GLRA1: variants seen among roughly 807,000 people sequenced by gnomAD.
GLRA1 encodes glycine receptor alpha 1, also known as glycine receptor subunit alpha-1.
Under a neutral mutation model 48.3 loss-of-function variants are expected in GLRA1, and 37 were observed. That is an observed-to-expected ratio of 0.77 (90% confidence interval 0.59 to 1.01). GLRA1 has a LOEUF of 1.01. GLRA1 is among the 50% of genes least tolerant of loss of function. The pLI, the probability that GLRA1 is intolerant of heterozygous loss-of-function variation, is 0.00. For synonymous variants in GLRA1, 196 were observed against 210.7 expected (o/e 0.93, Z 0.60); for missense variants, 427 against 571.0 (o/e 0.75, Z 2.57).
At chr5:151,865,859 T>C (rs934813571) in intron 3 of GLRA1, among the ~76,000 whole-genome samples, 6 of 152,190 alleles carry the variant, frequency 3.9e-5, no homozygotes, top group Non-Finnish European at 8.8e-5. Flanking sequence ...CCCAAACAAG[T>C]TGCTGCCATT....
intron 7 of GLRA1, among the ~76,000 whole-genome samples, chr5:151,845,264 A>T (rs886931965): frequency 6.6e-6 from 1 of 152,220 alleles, no homozygotes; most frequent in Non-Finnish European, 1.5e-5. Context: ...TTGGAAGGGA[A>T]AAGAATCTAA....
In GLRA1 at chr5:151,851,371, C is replaced by G. The variant is rs971545766; in HGVS notation, c.912+19G>C. 1 of 1,562,324 alleles carries G rather than the reference C, an allele frequency of 6.4e-7. No homozygotes were observed. The highest frequency in any genetic ancestry group is 8.8e-7 in the Non-Finnish European group (1 of 1,133,914). ...CTTATTTGTCCAGGTGTTCTGTGCTCTTGGGCAATGGGACTTACCTTGGGC... is the reference window on the plus strand; with the variant it reads ...CTTATTTGTCCAGGTGTTCTGTGCTGTTGGGCAATGGGACTTACCTTGGGC... On this transcript the variant is annotated intron_variant, in intron 7 of 8. Transcript: ENST00000274576.
rs144325294 is a variant in GLRA1 at position 151,823,645 on chromosome 5, C to T, written c.1060-682G>A. ...GGCAGTTGTAACTTCAGACAGACCT[C>T]TGGATTTTTACTAAGTTTTCATTCA... On this transcript the variant is annotated intron_variant, in intron 8 of 8. Transcript: ENST00000274576. Among the ~76,000 whole-genome samples the T allele has an allele frequency of 9.8e-3, 1,497 of 152,266 alleles. 27 individuals carry two copies. The highest frequency in any genetic ancestry group is 0.034 in the African/African-American group (1,422 of 41,512).
At chr5:151,855,301 G>T (rs1753010468) in intron 5 of GLRA1, 124 bp from the exon 6 acceptor site, 5 of 956,438 alleles carry the variant, frequency 5.2e-6, no homozygotes, top group Non-Finnish European at 8.2e-6. Context: ...GTGAGACCAG[G>T]TTCCTTTTTT....
intron 1 of GLRA1, among the ~76,000 whole-genome samples, chr5:151,910,748 A>G (rs1026740107): frequency 6.6e-6 from 1 of 152,238 alleles, no homozygotes; most frequent in Non-Finnish European, 1.5e-5. Flanking sequence ...ATGGAGATGT[A>G]TGAAAGTGTA....
intron 8 of GLRA1, among the ~76,000 whole-genome samples, chr5:151,827,443 T>C (rs1029741247): frequency 6.6e-5 from 10 of 152,192 alleles, no homozygotes; most frequent in African/African-American, 2.4e-4. Flanking sequence ...TGTGTGTATA[T>C]GTAATCATTT....
At position 151,915,782 on chromosome 5, in the gene GLRA1, G is replaced by A. The variant is rs187651870; in HGVS notation, c.56+8712C>T. ...GGATAACAGTTGAAAGGGACCTAGA[G>A]GTCATTATCAAAGGGGATCTCAGGC... On this transcript the variant is annotated intron_variant, in intron 1 of 8. Transcript: ENST00000274576. Among the ~76,000 whole-genome samples, 1,461 of 151,716 alleles carry A rather than the reference G, an allele frequency of 9.6e-3. 23 individuals are homozygous for A. The highest frequency in any genetic ancestry group is 0.034 in the African/African-American group (1,392 of 41,388).
intron 3 of GLRA1, among the ~76,000 whole-genome samples, chr5:151,869,239 G>A (rs914064083): frequency 1.3e-5 from 2 of 151,888 alleles, no homozygotes; most frequent in African/African-American, 4.8e-5. Flanking sequence ...GAGTAGCTGG[G>A]ATTATAGGCA....
chr5:151,879,040 A>G (rs1753695110), intron 3 of GLRA1, among the ~76,000 whole-genome samples: 1 of 152,190 alleles, frequency 6.6e-6, no homozygotes, highest in African/African-American at 2.4e-5. Flanking sequence ...AGCCACAGAC[A>G]CTCAACGCTA....
At chr5:151,919,819 C>A (rs546868652) in intron 1 of GLRA1, among the ~76,000 whole-genome samples, 3 of 152,324 alleles carry the variant, frequency 2.0e-5, no homozygotes, top group East Asian at 1.9e-4. Context: ...TTGTTTAATG[C>A]GAACCTGCAG....
chr5:151,921,310 A>T (rs1244317355), intron 1 of GLRA1, among the ~76,000 whole-genome samples: 2 of 152,166 alleles, frequency 1.3e-5, no homozygotes, highest in East Asian at 1.9e-4. Context: ...TAATTACTAC[A>T]TTGGAGCAGC....
chr5:151,911,761 G>A (rs1179021600), intron 1 of GLRA1, among the ~76,000 whole-genome samples: 6 of 151,646 alleles, frequency 4.0e-5, no homozygotes, highest in Non-Finnish European at 8.8e-5. Context: ...GCCCGCCACC[G>A]CACCTGGCTA....
At chr5:151,894,064 T>A (rs1383146501) in intron 1 of GLRA1, among the ~76,000 whole-genome samples, 1 of 152,152 alleles carries the variant, frequency 6.6e-6, no homozygotes, top group Non-Finnish European at 1.5e-5. Flanking sequence ...CAGGAGATAG[T>A]TAGGAGCCAT....
chr5:151,890,089 A>G (rs1754023711), intron 2 of GLRA1, among the ~76,000 whole-genome samples: 1 of 152,210 alleles, frequency 6.6e-6, no homozygotes, highest in African/African-American at 2.4e-5. Flanking sequence ...ACTGCTGAGT[A>G]AGTAAATAAA....
intron 1 of GLRA1, among the ~76,000 whole-genome samples, chr5:151,919,438 A>G (rs1754819163): frequency 6.6e-6 from 1 of 152,196 alleles, no homozygotes; most frequent in South Asian, 2.1e-4. Context: ...TCCCACAGAA[A>G]CTGACATATG....
intron 3 of GLRA1, among the ~76,000 whole-genome samples, chr5:151,879,872 C>G (rs1281049681): frequency 6.6e-6 from 1 of 152,152 alleles, no homozygotes; most frequent in Non-Finnish European, 1.5e-5. Flanking sequence ...GAAATCTCAT[C>G]TTGAATTTCC....
chr5:151,830,339 A>G (rs1763392753), intron 7 of GLRA1, among the ~76,000 whole-genome samples: 1 of 152,276 alleles, frequency 6.6e-6, no homozygotes, highest in Admixed American at 6.5e-5. Flanking sequence ...AAAGCAATCA[A>G]TAGTAATTGC....
intron 1 of GLRA1, among the ~76,000 whole-genome samples, chr5:151,904,084 A>G (rs1235818658): frequency 6.6e-6 from 1 of 152,230 alleles, no homozygotes; most frequent in African/African-American, 2.4e-5. Flanking sequence ...CAGGAAAAGT[A>G]TCATTGACAC....
chr5:151,890,706 T>C (rs951026592), intron 2 of GLRA1, among the ~76,000 whole-genome samples: 2 of 152,196 alleles, frequency 1.3e-5, no homozygotes, highest in Non-Finnish European at 2.9e-5. Context: ...CTGGTTTTAT[T>C]TTCTTATCTC....
Sources: allele counts gnomAD v4.1 joint callset (sites outside exome capture counted in the v4.1 genomes callset), GRCh38; gene constraint gnomAD v4.1.1; transcripts MANE v1.5; gene names NCBI Gene and HGNC (gene_info 2026-07-23, HGNC 2026-07-21).